ARHGAP10: variants seen among roughly 807,000 people sequenced by gnomAD.
ARHGAP10 encodes rho GTPase-activating protein 10.
A neutral mutation model predicts 108.6 loss-of-function variants in ARHGAP10; 87 were observed. That is an observed-to-expected ratio of 0.80 (90% CI 0.67 to 0.96). ARHGAP10 has a LOEUF of 0.96. Among genes scored for constraint, ARHGAP10 ranks in the 40% least tolerant of loss-of-function variants. ARHGAP10 has a pLI of 0.00. For synonymous variants in ARHGAP10, 347 were observed against 341.1 expected (o/e 1.02, Z -0.19); for missense variants, 939 against 954.5 (o/e 0.98, Z 0.21).
chr4:148,035,492 G>A (rs976788571), intron 19 of ARHGAP10, among the ~76,000 whole-genome samples: 3 of 152,094 alleles, frequency 2.0e-5, no homozygotes, highest in Admixed American at 2.0e-4. Context: ...CATTATATTA[G>A]CCAAGTGAAT....
intron 13 of ARHGAP10, among the ~76,000 whole-genome samples, chr4:147,916,029 A>C (rs1254573926): frequency 6.6e-6 from 1 of 152,172 alleles, no homozygotes; most frequent in Admixed American, 6.5e-5. Context: ...GGATCACTGG[A>C]TCCCAGGGGT....
intron 18 of ARHGAP10, among the ~76,000 whole-genome samples, chr4:148,011,838 T>G (rs896179074): frequency 6.6e-6 from 1 of 152,234 alleles, no homozygotes; most frequent in Non-Finnish European, 1.5e-5. Flanking sequence ...CCTTGGCATC[T>G]TTAGCCAGTT....
At chr4:147,883,089 T>C (rs1041088675) in intron 10 of ARHGAP10, among the ~76,000 whole-genome samples, 24 of 152,220 alleles carry the variant, frequency 1.6e-4, no homozygotes, top group African/African-American at 5.3e-4. Flanking sequence ...GGATTAGTGG[T>C]TCACTTTGTA....
At chr4:147,906,892 T>C (rs969929135) in intron 11 of ARHGAP10, among the ~76,000 whole-genome samples, 173 bp downstream of exon 11, 5 of 152,224 alleles carry the variant, frequency 3.3e-5, no homozygotes, top group Non-Finnish European at 7.3e-5. Context: ...CAAGCAGCAG[T>C]ACATATAAGA....
chr4:147,823,840 C>T (rs1394674141), intron 3 of ARHGAP10, among the ~76,000 whole-genome samples: 23 of 152,148 alleles, frequency 1.5e-4, no homozygotes, highest in Admixed American at 1.5e-3. Flanking sequence ...GTGCTGAGTG[C>T]CTTGAGTGTA....
At chr4:147,976,980 A>C (rs1739620533) in intron 18 of ARHGAP10, among the ~76,000 whole-genome samples, 1 of 152,240 alleles carries the variant, frequency 6.6e-6, no homozygotes, top group Non-Finnish European at 1.5e-5. Context: ...AGAACTTCGT[A>C]ATATTTATAA....
At chr4:148,000,754 G>A (rs186941678) in intron 18 of ARHGAP10, among the ~76,000 whole-genome samples, 1,710 of 152,204 alleles carry the variant, frequency 0.011, 30 homozygotes, top group African/African-American at 0.04. Context: ...CGTATCCTTC[G>A]CCCGCTTTGT....
At chr4:147,955,018 A>T (rs886380363) in intron 15 of ARHGAP10, among the ~76,000 whole-genome samples, 7 of 152,192 alleles carry the variant, frequency 4.6e-5, no homozygotes, top group Middle Eastern at 3.4e-3. Flanking sequence ...TGTAGAAGGA[A>T]GTTTTATATA....
intron 13 of ARHGAP10, among the ~76,000 whole-genome samples, chr4:147,938,489 CAT>C (rs1470862882): frequency 6.6e-6 from 1 of 152,152 alleles, no homozygotes; most frequent in African/African-American, 2.4e-5. Flanking sequence ...ATCTGTAGGA[CAT>C]GTGTTAGTAT....
At chr4:147,942,529 C>T (rs1016352280) in intron 14 of ARHGAP10, among the ~76,000 whole-genome samples, 21 of 152,088 alleles carry the variant, frequency 1.4e-4, no homozygotes, top group Admixed American at 1.4e-3. Flanking sequence ...TGTTTTTTCC[C>T]TTCATATTTC....
intron 10 of ARHGAP10, 116 bp from the exon 11 acceptor site, chr4:147,906,522 C>A: frequency 1.1e-6 from 1 of 891,904 alleles, no homozygotes; most frequent in Non-Finnish European, 1.7e-6. Context: ...TTTTAGGTTA[C>A]ATGTATTTTA....
intron 18 of ARHGAP10, among the ~76,000 whole-genome samples, chr4:147,985,277 A>C (rs1739993154): frequency 6.6e-6 from 1 of 152,132 alleles, no homozygotes; most frequent in East Asian, 1.9e-4. Context: ...CGGTCTCTGC[A>C]CAGGAAAGAT....
chr4:147,829,459 G>A (rs1273026956), intron 3 of ARHGAP10, among the ~76,000 whole-genome samples: 2 of 152,162 alleles, frequency 1.3e-5, no homozygotes, highest in Non-Finnish European at 2.9e-5. Context: ...AAAGTGCTGG[G>A]ATTACAGATG....
intron 21 of ARHGAP10, 79 bp from the exon 22 acceptor site, chr4:148,064,337 G>C: frequency 7.9e-7 from 1 of 1,264,504 alleles, no homozygotes; most frequent in Non-Finnish European, 1.1e-6. Flanking sequence ...TGAGATTTGG[G>C]GAAGGGGGGT....
At chr4:147,790,277 T>C (rs916991463) in intron 1 of ARHGAP10, among the ~76,000 whole-genome samples, 3 of 152,190 alleles carry the variant, frequency 2.0e-5, no homozygotes, top group Admixed American at 6.5e-5. Flanking sequence ...AAGGTGGGCT[T>C]CACCTTTGTG....
chr4:147,826,729 A>G (rs1322398145), intron 3 of ARHGAP10, among the ~76,000 whole-genome samples: 1 of 152,178 alleles, frequency 6.6e-6, no homozygotes, highest in Non-Finnish European at 1.5e-5. Context: ...CAGAAAGCCC[A>G]GTTTCATTCA....
chr4:147,921,807 GC>G (rs924248158), intron 13 of ARHGAP10, among the ~76,000 whole-genome samples: 2 of 152,184 alleles, frequency 1.3e-5, no homozygotes, highest in South Asian at 2.1e-4. Flanking sequence ...GGCTTCTGGT[GC>G]CCCTGTAGTC....
chr4:148,039,332 A>AT (rs1028335554), intron 19 of ARHGAP10, among the ~76,000 whole-genome samples: 5 of 117,354 alleles, frequency 4.3e-5, no homozygotes, highest in Admixed American at 8.9e-5. Context: ...CTCTGCTCAA[A>AT]TTTTTTTTCT....
At chr4:148,059,975 A>G (rs1352311909) in intron 20 of ARHGAP10, among the ~76,000 whole-genome samples, 1 of 139,712 alleles carries the variant, frequency 7.2e-6, no homozygotes, top group Non-Finnish European at 1.5e-5. Flanking sequence ...CCACTCTTTG[A>G]GAGAGAGAGA....
Sources: allele counts gnomAD v4.1 joint callset (sites outside exome capture counted in the v4.1 genomes callset), GRCh38; gene constraint gnomAD v4.1.1; transcripts MANE v1.5; gene names NCBI Gene and HGNC (gene_info 2026-07-23, HGNC 2026-07-21).